The following PRKAR2A variants were observed in gnomAD, a reference collection of about 807,000 sequenced individuals.
PRKAR2A encodes cAMP-dependent protein kinase type II-alpha regulatory subunit.
Under a neutral mutation model 51.9 loss-of-function variants are expected in PRKAR2A, and 29 were observed. That is an observed-to-expected ratio of 0.56 (90% CI 0.42 to 0.76). PRKAR2A has a LOEUF of 0.76. PRKAR2A is among the 30% of genes least tolerant of loss of function. The probability of loss-of-function intolerance (pLI) is 0.00; values close to 1 mark genes in which losing one functional copy is unlikely to be tolerated. For missense variants in PRKAR2A, 445 were observed against 512.1 expected (o/e 0.87, Z 1.26); for synonymous variants, 178 against 186.2 (o/e 0.96, Z 0.36).
intron 5 of PRKAR2A, among the ~76,000 whole-genome samples, chr3:48,775,394 T>C (rs953367021): frequency 2.0e-5 from 3 of 151,264 alleles, no homozygotes; most frequent in African/African-American, 7.3e-5. Context: ...GCCGAGATCA[T>C]GTCATTGCAC....
chr3:48,842,280 C>T (rs2083393530), intron 1 of PRKAR2A, among the ~76,000 whole-genome samples: 1 of 152,182 alleles, frequency 6.6e-6, no homozygotes, highest in Non-Finnish European at 1.5e-5. Flanking sequence ...TGAGACTTTG[C>T]TGAAGTTGCT....
chr3:48,802,690 C>T (rs891285900), intron 2 of PRKAR2A, among the ~76,000 whole-genome samples: 5 of 152,080 alleles, frequency 3.3e-5, no homozygotes, highest in Non-Finnish European at 4.4e-5. Context: ...GTGACACAGC[C>T]AGACTCAGTC....
At chr3:48,804,417 T>C (rs2082641309) in intron 2 of PRKAR2A, among the ~76,000 whole-genome samples, 1 of 152,032 alleles carries the variant, frequency 6.6e-6, no homozygotes, top group Non-Finnish European at 1.5e-5. Context: ...GCCGTGATCA[T>C]GCCACTGCAC....
downstream of PRKAR2A, among the ~76,000 whole-genome samples, chr3:48,744,990 T>A (rs1186266467): frequency 6.6e-6 from 1 of 151,936 alleles, no homozygotes; most frequent in African/African-American, 2.4e-5. Context: ...TTCTCCTGCC[T>A]CAGCCTCCTG....
Position 48,783,012 on chromosome 3 carries a change from A to C in PRKAR2A, c.516T>G (p.Asp172Glu). 1 of 1,613,390 alleles carries C rather than the reference A, an allele frequency of 6.2e-7. No homozygotes were observed. Among genetic ancestry groups the C allele is most frequent in the African/African-American group, 1.3e-5 (1 of 75,020 alleles). ...GTTCTATGACATAAAAGTTGTCTCC[A>C]TCATCTCCTTGGTCAATGACATGCT... is the stretch of plus-strand genomic sequence containing the variant. ...ADEHVIDQGD[D>E]GDNFYVIERG... Residue 172 changes from aspartate to glutamate, a missense_variant, in exon 5 of 11, where the codon GAT becomes GAG. Coordinates refer to ENST00000265563, the MANE Select transcript of PRKAR2A (RefSeq NM_004157.4).
intron 1 of PRKAR2A, among the ~76,000 whole-genome samples, chr3:48,823,024 G>A (rs1196968217): frequency 6.6e-6 from 1 of 151,726 alleles, no homozygotes; most frequent in African/African-American, 2.4e-5. Flanking sequence ...CAAACGTACT[G>A]CATACTGAAT....
Position 48,748,650 on chromosome 3 carries a change from C to A in PRKAR2A, c.*2935G>T, listed in dbSNP as rs951935510. On this transcript the variant is annotated 3_prime_UTR_variant, in exon 11 of 11. Transcript: ENST00000265563. ...GTGATGGGTGGCAGGGAGGAGGCAT[C>A]TGCTCAGTGTTCAAACAAAATCCTT... The A allele has an allele frequency of 4.6e-5, 7 of 152,160 alleles. No individual in the cohort carries two copies. Among genetic ancestry groups the A allele is most frequent in the African/African-American group, 1.7e-4 (7 of 41,410 alleles). The allele number at this position is 152,160 out of a possible 1,614,324, so 9.4% of individuals were successfully genotyped here. A position where few individuals can be genotyped will look rare whatever the true frequency, so the allele number is the denominator to read the frequency against.
chr3:48,765,724 C>CAA (rs756566818), intron 6 of PRKAR2A, among the ~76,000 whole-genome samples: 28,129 of 44,946 alleles, frequency 0.63, 8,924 homozygotes, highest in East Asian at 0.91. Context: ...ACCCTCATTT[C>CAA]AAAAAAAAAA....
At chr3:48,745,174 C>CT (rs111854982), downstream of PRKAR2A, among the ~76,000 whole-genome samples, 918 of 128,028 alleles carry the variant, frequency 7.2e-3, 4 homozygotes, top group East Asian at 0.028. Flanking sequence ...CGCACCCAGC[C>CT]TTTTTTTTTT....
chr3:48,793,506 C>T lies in PRKAR2A; in HGVS notation c.351+491G>A, dbSNP rs561589957. ...CAGGCTAGTCTCAACTCCTGGGGTT[C>T]AACTGATCTTCCCACCTCAACCTCC... On this transcript the variant is annotated intron_variant, in intron 3 of 10. Coordinates refer to ENST00000265563, the MANE Select transcript of PRKAR2A (RefSeq NM_004157.4). 7.2e-5 allele frequency among the ~76,000 whole-genome samples: 11 copies of T among 152,234 alleles called. No individual in the cohort carries two copies. The East Asian group carries it at 1.2e-3, about 16-fold the overall frequency.
rs372171740 is a variant in PRKAR2A, at chr3:48,819,352, A to G, written c.263-11668T>C. Among the ~76,000 whole-genome samples the G allele has an allele frequency of 5.9e-5, 9 of 152,252 alleles. No homozygotes were observed. The East Asian group carries it at 1.7e-3, about 29-fold the overall frequency. On this transcript the variant is annotated intron_variant, in intron 1 of 10. Transcript: ENST00000265563. Reference sequence around the variant, plus strand: ...TTGTTAGTTACAATTTTTGAGTCCCACTACGTGCAAGTATTATGCCAACCA... The same window carrying G: ...TTGTTAGTTACAATTTTTGAGTCCCGCTACGTGCAAGTATTATGCCAACCA...
intron 2 of PRKAR2A, among the ~76,000 whole-genome samples, chr3:48,798,575 TA>T (rs979906526): frequency 6.0e-5 from 9 of 150,970 alleles, no homozygotes; most frequent in South Asian, 4.2e-4. Flanking sequence ...AATAATACAT[TA>T]AAAAAAAACT....
chr3:48,765,024 C>T lies in PRKAR2A; in HGVS notation c.853G>A (p.Gly285Arg), dbSNP rs1462169659. The T allele has an allele frequency of 2.5e-6, 4 of 1,614,168 alleles. No individual in the cohort carries two copies. Among genetic ancestry groups the T allele is most frequent in the Non-Finnish European group, 3.4e-6 (4 of 1,180,002 alleles). Residue 285 changes from glycine to arginine, a missense_variant, in exon 8 of 11, where the codon GGA (glycine) becomes AGA (arginine). Gly to Arg is a moderately radical substitution (Grantham distance 125). Transcript: ENST00000265563. The stretch of plus-strand genomic sequence containing the variant: ...CTCACCTGAGTGATTATGCGTTCTC[C>T]ATCCTTATAGATCTTCTCTCCTATT... The part of the protein sequence containing the change: ...DVIGEKIYKD[G>R]ERIITQGEKA...
In PRKAR2A at chr3:48,824,414, G is replaced by C. The variant is rs574488765; in HGVS notation, c.263-16730C>G. 2.8e-3 allele frequency among the ~76,000 whole-genome samples: 431 copies of C among 151,770 alleles called. 4 individuals carry two copies. The highest frequency in any genetic ancestry group is 9.9e-3 in the African/African-American group (409 of 41,418). ...TGTCTCCAAAAAAAAAAGGGGAGAAGGGTAAAGGTTGAAAAAACTACCTAT... is the reference window on the plus strand; with the variant it reads ...TGTCTCCAAAAAAAAAAGGGGAGAACGGTAAAGGTTGAAAAAACTACCTAT... On this transcript the variant is annotated intron_variant, in intron 1 of 10. Coordinates refer to ENST00000265563, the MANE Select transcript of PRKAR2A (RefSeq NM_004157.4).
At chr3:48,801,701 G>A (rs751943163) in intron 2 of PRKAR2A, among the ~76,000 whole-genome samples, 36 of 152,118 alleles carry the variant, frequency 2.4e-4, no homozygotes, top group Non-Finnish European at 4.7e-4. Context: ...GGGTTCAAGC[G>A]ATTCTCCTGC....
At chr3:48,746,081 T>C (rs145933547), downstream of PRKAR2A, among the ~76,000 whole-genome samples, 40 of 152,222 alleles carry the variant, frequency 2.6e-4, no homozygotes, top group African/African-American at 9.1e-4. Context: ...AACAACAACA[T>C]TGGCTCTTCT....
intron 1 of PRKAR2A, among the ~76,000 whole-genome samples, chr3:48,843,040 G>T (rs1447959211): frequency 2.6e-5 from 4 of 152,138 alleles, no homozygotes; most frequent in Non-Finnish European, 4.4e-5. Flanking sequence ...AATCCATCTG[G>T]TCCTGGACTC....
At chr3:48,802,470 T>G (rs906262151) in intron 2 of PRKAR2A, among the ~76,000 whole-genome samples, 1 of 149,218 alleles carries the variant, frequency 6.7e-6, no homozygotes, top group African/African-American at 2.4e-5. Context: ...AAAAAAAGTC[T>G]GATTAGAATA....
At chr3:48,808,099 A>G (rs1421966123) in intron 1 of PRKAR2A, among the ~76,000 whole-genome samples, 41 of 145,414 alleles carry the variant, frequency 2.8e-4, no homozygotes, top group East Asian at 2.1e-4. Flanking sequence ...CCAGGCTGGA[A>G]TGCAGTGGCG....
Sources: allele counts gnomAD v4.1 joint callset (sites outside exome capture counted in the v4.1 genomes callset), GRCh38; gene constraint gnomAD v4.1.1; transcripts MANE v1.5; gene names NCBI Gene and HGNC (gene_info 2026-07-23, HGNC 2026-07-21).